CELF2: variants seen among roughly 807,000 people sequenced by gnomAD.
CELF2 encodes CUGBP Elav-like family member 2.
CELF2 carries 8 observed loss-of-function variants against 62.6 expected under a neutral mutation model. That is an observed-to-expected ratio of 0.13 (90% CI 0.07 to 0.23). CELF2 has a LOEUF of 0.23. CELF2 is among the 10% of genes least tolerant of loss of function. The probability of loss-of-function intolerance (pLI) is 1.00; values close to 1 mark genes in which losing one functional copy is unlikely to be tolerated. For synonymous variants in CELF2, 258 were observed against 250.0 expected, an observed-to-expected ratio of 1.03 and a Z score of -0.30; for missense variants, 333 against 671.0, an observed-to-expected ratio of 0.50 and a Z score of 5.56.
the CELF2 span, among the ~76,000 whole-genome samples, chr10:10,613,380 T>G: frequency 6.6e-6 from 1 of 152,194 alleles, no homozygotes; most frequent in Non-Finnish European, 1.5e-5. Flanking sequence ...GATTTAATTT[T>G]ATTACTTTCC....
intron 7 of CELF2, among the ~76,000 whole-genome samples, chr10:11,273,196 C>G (rs552249549): frequency 2.6e-5 from 4 of 152,148 alleles, no homozygotes; most frequent in South Asian, 4.2e-4. Flanking sequence ...GGGTTTCAGT[C>G]AGCCAAGGGT....
rs1393936509 is a variant in CELF2 at position 11,309,273 on chromosome 10, T to C, written c.977-4866T>C. 6.6e-6 allele frequency among the ~76,000 whole-genome samples: 1 copy of C among 152,242 alleles called. No homozygotes were observed. The highest frequency in any genetic ancestry group is 6.5e-5 in the Admixed American group (1 of 15,284). ...CTGGGTGCTAATCCTCCTTACCCAC[T>C]GCACATCACCCCTTCCCCACTGGCT... On this transcript the variant is annotated intron_variant, in intron 9 of 12. Coordinates refer to ENST00000633077, the MANE Select transcript of CELF2 (RefSeq NM_001326342.2). This position sits in a 1 kb window ranked among gnomAD's most constrained non-coding sequence, Gnocchi z 5.6.
At chr10:10,501,328 G>T in the CELF2 span, among the ~76,000 whole-genome samples, 1 of 151,970 alleles carries the variant, frequency 6.6e-6, no homozygotes, top group South Asian at 2.1e-4. Flanking sequence ...AGTTCTTTGT[G>T]GTTTTAATTT....
chr10:10,831,413 A>G (rs567672754), intron 1 of CELF2, among the ~76,000 whole-genome samples: 5 of 152,360 alleles, frequency 3.3e-5, no homozygotes, highest in Admixed American at 2.0e-4. Context: ...GTTGTGTGTC[A>G]ACTTCCTGTG....
intron 1 of CELF2, among the ~76,000 whole-genome samples, chr10:11,105,129 T>A (rs1405730421): frequency 1.3e-5 from 2 of 152,238 alleles, no homozygotes; most frequent in Non-Finnish European, 2.9e-5. Flanking sequence ...AATAAAACTC[T>A]AAGTCCAGAT....
chr10:11,121,143 T>A (rs2057664190), intron 1 of CELF2, among the ~76,000 whole-genome samples: 1 of 152,142 alleles, frequency 6.6e-6, no homozygotes, highest in Non-Finnish European at 1.5e-5. Context: ...TACATACTAT[T>A]TTGCAAATTC....
At chr10:10,777,887 C>T in the CELF2 span, among the ~76,000 whole-genome samples, 1 of 152,306 alleles carries the variant, frequency 6.6e-6, no homozygotes, top group Admixed American at 6.5e-5. Context: ...ACCCACCTTG[C>T]TCTCACTTCC....
intron 8 of CELF2, among the ~76,000 whole-genome samples, chr10:11,287,490 G>A (rs1233087369): frequency 6.6e-6 from 1 of 152,150 alleles, no homozygotes; most frequent in Non-Finnish European, 1.5e-5. Flanking sequence ...TTATCTTCAT[G>A]CTAATTTTCA....
intron 1 of CELF2, among the ~76,000 whole-genome samples, chr10:11,050,244 T>C (rs1437108018): frequency 2.0e-5 from 3 of 152,202 alleles, no homozygotes; most frequent in Non-Finnish European, 4.4e-5. Context: ...GTCCGTGAAG[T>C]GTTCAGAGAG....
the CELF2 span, chr10:10,776,463 G>A: frequency 6.5e-6 from 1 of 154,244 alleles, no homozygotes; most frequent in African/African-American, 2.4e-5. Flanking sequence ...GGTTTCCAAA[G>A]GTGTTCCTTT....
chr10:11,310,415 C>A (rs2094500877), intron 9 of CELF2, among the ~76,000 whole-genome samples: 1 of 152,152 alleles, frequency 6.6e-6, no homozygotes, highest in South Asian at 2.1e-4. Context: ...GCCACAGATT[C>A]TTGCTGCTCT....
the CELF2 span, among the ~76,000 whole-genome samples, chr10:10,527,059 G>A: frequency 1.3e-5 from 2 of 152,174 alleles, no homozygotes; most frequent in African/African-American, 4.8e-5. Flanking sequence ...ACATGAAAAA[G>A]GGTTAATATT....
At chr10:10,490,828 G>T in the CELF2 span, among the ~76,000 whole-genome samples, 1 of 152,114 alleles carries the variant, frequency 6.6e-6, no homozygotes. Flanking sequence ...AATTGCCCAA[G>T]GGAGTTAATA....
chr10:11,236,718 T>G (rs2071444937), intron 3 of CELF2, among the ~76,000 whole-genome samples: 1 of 152,218 alleles, frequency 6.6e-6, no homozygotes, highest in African/African-American at 2.4e-5. Context: ...AAACGGCAAT[T>G]TCACAGCAAT....
chr10:11,253,338 G>C (rs887897122), intron 4 of CELF2, among the ~76,000 whole-genome samples: 4 of 152,136 alleles, frequency 2.6e-5, no homozygotes, highest in Non-Finnish European at 4.4e-5. Flanking sequence ...AAAACCTCCA[G>C]TGTCCAGGTG....
At chr10:10,858,668 T>C (rs1204575476) in intron 1 of CELF2, among the ~76,000 whole-genome samples, 1 of 152,042 alleles carries the variant, frequency 6.6e-6, no homozygotes, top group African/African-American at 2.4e-5. Flanking sequence ...CATTATCCAG[T>C]GCCAGCACAT....
At chr10:11,303,863 G>A (rs542760257) in intron 9 of CELF2, among the ~76,000 whole-genome samples, 4 of 152,336 alleles carry the variant, frequency 2.6e-5, no homozygotes, top group Non-Finnish European at 5.9e-5. Context: ...GCCACTGAGA[G>A]TTGTGTGACC....
At chr10:10,508,217 G>A in the CELF2 span, among the ~76,000 whole-genome samples, 4 of 151,862 alleles carry the variant, frequency 2.6e-5, no homozygotes, top group Non-Finnish European at 5.9e-5. Context: ...GTCAAATTGT[G>A]CATCCTACCT....
chr10:11,236,321 C>T (rs1201648549), intron 3 of CELF2, among the ~76,000 whole-genome samples: 1 of 152,152 alleles, frequency 6.6e-6, no homozygotes, highest in Non-Finnish European at 1.5e-5. Flanking sequence ...CTTGTGGTGG[C>T]TTTAGATTGT....
Sources: gnomAD v4.1 joint callset for allele counts (sites outside exome capture counted in the v4.1 genomes callset) on GRCh38, gnomAD v4.1.1 for gene constraint, Gnocchi (gnomAD v3.1) non-coding constraint, MANE v1.5 for transcripts, NCBI Gene and HGNC (gene_info 2026-07-23, HGNC 2026-07-21) for gene names.